Variants in NKAIN2 observed in about 807,000 individuals in gnomAD.
NKAIN2 encodes the protein sodium/potassium transporting ATPase interacting 2, also known as sodium/potassium-transporting ATPase subunit beta-1-interacting protein 2.
NKAIN2 carries 14 observed loss-of-function variants against 32.6 expected under a neutral mutation model. The ratio of observed to expected loss-of-function variants is 0.43; its 90% CI spans 0.28 to 0.67. The LOEUF (loss-of-function observed/expected upper bound fraction) is 0.67. Among genes scored for constraint, NKAIN2 ranks in the 30% least tolerant of loss-of-function variants. The pLI is 0.17. For synonymous variants in NKAIN2, 80 were observed against 87.2 expected, an observed-to-expected ratio of 0.92 and a Z score of 0.46; for missense variants, 198 against 258.3, an observed-to-expected ratio of 0.77 and a Z score of 1.60.
intron 1 of NKAIN2, among the ~76,000 whole-genome samples, chr6:123,904,827 T>C (rs988402433): frequency 8.5e-5 from 13 of 152,136 alleles, no homozygotes; most frequent in Admixed American, 2.6e-4. Flanking sequence ...CTAGCTGAGC[T>C]GGGGGTGAGA....
intron 2 of NKAIN2, among the ~76,000 whole-genome samples, chr6:124,296,600 G>T (rs4513814): frequency 0.1 from 15,827 of 152,132 alleles, 837 homozygotes; most frequent in East Asian, 0.18. Flanking sequence ...AGATGTTGGA[G>T]AATGGTGTAC....
chr6:124,170,236 G>A (rs1299169012), intron 1 of NKAIN2, among the ~76,000 whole-genome samples: 1 of 151,782 alleles, frequency 6.6e-6, no homozygotes, highest in African/African-American at 2.4e-5. Context: ...CTGCTTTATT[G>A]TTCCTTCACA....
chr6:123,991,553 C>T lies in NKAIN2; in HGVS notation c.54+187299C>T, dbSNP rs568136788. Among the ~76,000 whole-genome samples, 86 of 152,150 alleles carry T rather than the reference C, an allele frequency of 5.7e-4. 1 individual carries two copies. Among genetic ancestry groups the T allele is most frequent in the African/African-American group, 2.0e-3 (85 of 41,518 alleles). ...AGTAAAGTAAGGAATCAAAAATGCC[C>T]ACTGGAATTTTAATATAAAATATTT... is the stretch of plus-strand genomic sequence containing the variant. On this transcript the variant is annotated intron_variant, in intron 1 of 6. Transcript: ENST00000368417.
chr6:124,271,281 A>T (rs535865802), intron 1 of NKAIN2, among the ~76,000 whole-genome samples: 49 of 151,990 alleles, frequency 3.2e-4, no homozygotes, highest in Non-Finnish European at 6.2e-4. Context: ...CAGTGGCACG[A>T]TCTCGGCTCA....
chr6:124,823,734 C>T lies in NKAIN2; in HGVS notation c.*505C>T, dbSNP rs1199797588. ...AAACATGCCATGATGACCTTGTACC[C>T]GAAGTCCGAAATGGCAGATTGTTTG... On this transcript the variant is annotated 3_prime_UTR_variant, in exon 7 of 7. Transcript: ENST00000368417. 1.9e-5 allele frequency: 3 copies of T among 157,628 alleles called. No homozygotes were observed. Among genetic ancestry groups the T allele is most frequent in the South Asian group, 1.9e-4 (1 of 5,338 alleles). The allele number at this position is 157,628 out of a possible 1,614,324, so 9.8% of individuals were successfully genotyped here.
chr6:124,047,655 C>T (rs1270373287), intron 1 of NKAIN2, among the ~76,000 whole-genome samples: 1 of 151,978 alleles, frequency 6.6e-6, no homozygotes, highest in Non-Finnish European at 1.5e-5. Flanking sequence ...TGAGTAGTAT[C>T]AGCTCTGGCA....
intron 3 of NKAIN2, among the ~76,000 whole-genome samples, chr6:124,553,290 G>T (rs190038283): frequency 6.6e-6 from 1 of 152,038 alleles, no homozygotes; most frequent in African/African-American, 2.4e-5. Flanking sequence ...TGTGCCAAAC[G>T]TATACAGGAT....
intron 1 of NKAIN2, among the ~76,000 whole-genome samples, chr6:124,052,452 C>A (rs564735314): frequency 2.8e-4 from 43 of 152,110 alleles, no homozygotes; most frequent in Non-Finnish European, 4.6e-4. Context: ...TTAACCAAAC[C>A]TCGAATTTAC....
chr6:124,343,122 G>A (rs1459694313), intron 2 of NKAIN2, among the ~76,000 whole-genome samples: 1 of 151,640 alleles, frequency 6.6e-6, no homozygotes, highest in Non-Finnish European at 1.5e-5. Context: ...GAGAATGATG[G>A]TTTCCAGCTT....
intron 1 of NKAIN2, among the ~76,000 whole-genome samples, chr6:124,081,961 A>G (rs963998333): frequency 2.6e-5 from 4 of 152,122 alleles, no homozygotes; most frequent in African/African-American, 9.7e-5. Flanking sequence ...CAGGTATTCA[A>G]TAGAACAAAG....
In NKAIN2 at chr6:123,809,340, C is replaced by G. The variant is rs529627359; in HGVS notation, c.54+5086C>G. Among the ~76,000 whole-genome samples, 15 of 1,300 alleles carry G rather than the reference C, an allele frequency of 0.012. No individual in the cohort carries two copies. The East Asian group carries it at 0.16, about 14-fold the overall frequency. 0.9% of individuals were successfully genotyped at this position (1,300 alleles called of 152,430 possible). On this transcript the variant is annotated intron_variant, in intron 1 of 6. Coordinates refer to ENST00000368417, the MANE Select transcript of NKAIN2 (RefSeq NM_001040214.3). The stretch of plus-strand genomic sequence containing the variant: ...TCAAGATACAATGTATGTAGGGCTA[C>G]CTTTTTTCATACAATGATAGAATAA...
chr6:124,802,537 A>G (rs1231521317), intron 5 of NKAIN2, among the ~76,000 whole-genome samples: 1 of 152,198 alleles, frequency 6.6e-6, no homozygotes. Context: ...GCTTCTCTAC[A>G]TTTACTGAAA....
At chr6:124,008,015 G>T (rs1017478802) in intron 1 of NKAIN2, among the ~76,000 whole-genome samples, 1 of 152,118 alleles carries the variant, frequency 6.6e-6, no homozygotes, top group African/African-American at 2.4e-5. Flanking sequence ...AGAGACAATG[G>T]CATGGGACCG....
intron 2 of NKAIN2, among the ~76,000 whole-genome samples, chr6:124,309,091 A>G (rs1428999495): frequency 6.6e-6 from 1 of 152,150 alleles, no homozygotes; most frequent in East Asian, 1.9e-4. Flanking sequence ...GTTTCTGGAA[A>G]GGAGAAGTGT....
At chr6:124,019,984 A>G (rs1780794284) in intron 1 of NKAIN2, among the ~76,000 whole-genome samples, 1 of 152,190 alleles carries the variant, frequency 6.6e-6, no homozygotes. Context: ...AATAGTCTCA[A>G]TGTTGTAGAA....
At chr6:123,904,631 G>C (rs192173681) in intron 1 of NKAIN2, among the ~76,000 whole-genome samples, 4 of 152,314 alleles carry the variant, frequency 2.6e-5, no homozygotes, top group Admixed American at 2.0e-4. Flanking sequence ...AAGGGGGTGA[G>C]AAAGATCCTG....
chr6:124,161,844 C>T (rs1363505060), intron 1 of NKAIN2, among the ~76,000 whole-genome samples: 1 of 152,056 alleles, frequency 6.6e-6, no homozygotes, highest in Non-Finnish European at 1.5e-5. Context: ...GAGTACTATG[C>T]TCACTACCTG....
intron 1 of NKAIN2, among the ~76,000 whole-genome samples, chr6:124,061,471 TA>T (rs1160574142): frequency 6.6e-6 from 1 of 152,130 alleles, no homozygotes; most frequent in Non-Finnish European, 1.5e-5. Flanking sequence ...TGTGATTCTG[TA>T]GGGGGATTCC....
intron 1 of NKAIN2, among the ~76,000 whole-genome samples, chr6:123,867,416 T>C (rs969423854): frequency 1.3e-5 from 2 of 152,246 alleles, no homozygotes; most frequent in East Asian, 3.8e-4. Context: ...TTAAAAGTTA[T>C]GAAATCAGAT....
Sources: gnomAD v4.1 joint callset for allele counts (sites outside exome capture counted in the v4.1 genomes callset) on GRCh38, gnomAD v4.1.1 for gene constraint, MANE v1.5 for transcripts, NCBI Gene and HGNC (gene_info 2026-07-23, HGNC 2026-07-21) for gene names.